The following ZNF571 variants were observed in gnomAD, a reference collection of about 807,000 sequenced individuals.
ZNF571 encodes zinc finger protein 571.
Under a neutral mutation model 7.7 loss-of-function variants are expected in ZNF571, and 4 were observed. That is an observed-to-expected ratio of 0.52 (90% confidence interval 0.25 to 1.18). The LOEUF is 1.18. Ranked by LOEUF, ZNF571 falls within the 50% of genes most tolerant of loss-of-function variation. The probability of loss-of-function intolerance (pLI) is 0.14; values close to 1 mark genes in which losing one functional copy is unlikely to be tolerated. For synonymous variants in ZNF571, 251 were observed against 232.4 expected (o/e 1.08, Z -0.73); for missense variants, 704 against 726.9 (o/e 0.97, Z 0.36).
rs75707352 is a variant in ZNF571, at chr19:37,582,332, T to A, written c.136+1639A>T. ...CCTCTTACTTGAACTCCTAGCATTA[T>A]CTCTCTCAGCTAACTGCTTCCTCCT... On this transcript the variant is annotated intron_variant, in intron 3 of 3. Transcript: ENST00000451802. 3.8e-3 allele frequency among the ~76,000 whole-genome samples: 582 copies of A among 152,314 alleles called. 1 individual carries two copies. The highest frequency in any genetic ancestry group is 6.5e-3 in the Non-Finnish European group (444 of 68,022).
At chr19:37,570,820 A>G in intron 3 of ZNF571, among the ~76,000 whole-genome samples, 1 of 152,170 alleles carries the variant, frequency 6.6e-6, no homozygotes, top group South Asian at 2.1e-4. Flanking sequence ...TCATAGTAAA[A>G]ACAAAGGAAA....
intron 3 of ZNF571, among the ~76,000 whole-genome samples, chr19:37,577,471 C>T (rs889416667): frequency 6.6e-6 from 1 of 152,080 alleles, no homozygotes; most frequent in Admixed American, 6.6e-5. Context: ...TCAGGTGCTA[C>T]AGAAAAAGTA....
intron 2 of ZNF571, among the ~76,000 whole-genome samples, chr19:37,584,696 C>T (rs897247211): frequency 6.6e-6 from 1 of 152,100 alleles, no homozygotes; most frequent in Admixed American, 6.5e-5. Context: ...GGCGCGGTGG[C>T]TCACGCTTGT....
At chr19:37,592,351 C>CT (rs2043893211) in intron 1 of ZNF571, among the ~76,000 whole-genome samples, 1 of 152,156 alleles carries the variant, frequency 6.6e-6, no homozygotes, top group African/African-American at 2.4e-5. Flanking sequence ...GGTCATATCC[C>CT]TAGGAACCTT....
intron 2 of ZNF571, among the ~76,000 whole-genome samples, chr19:37,584,563 T>C (rs1325576496): frequency 6.6e-6 from 1 of 152,202 alleles, no homozygotes; most frequent in South Asian, 2.1e-4. Flanking sequence ...AACCTAAGAA[T>C]TTTTTGAAGA....
At chr19:37,571,631 A>G (rs1313422581) in intron 3 of ZNF571, among the ~76,000 whole-genome samples, 1 of 152,234 alleles carries the variant, frequency 6.6e-6, no homozygotes, top group Non-Finnish European at 1.5e-5. Flanking sequence ...AGCAATACAC[A>G]TTCAGTATGC....
chr19:37,586,028 T>C (rs1216572607), intron 2 of ZNF571: 1 of 152,242 alleles, frequency 6.6e-6, no homozygotes, highest in African/African-American at 2.4e-5. Context: ...AGAAGGAACA[T>C]GGCTCTGCTA....
rs779158029 is a variant in ZNF571 at position 37,564,760 on chromosome 19, T to C, written c.1668A>G (p.Lys556=). 6 of 1,613,574 alleles carry C rather than the reference T, an allele frequency of 3.7e-6. No individual in the cohort carries two copies. The highest frequency in any genetic ancestry group is 5.1e-6 in the Non-Finnish European group (6 of 1,179,750). The change falls in exon 4 of 4, where the codon AAA becomes AAG. Residue 556 remains lysine (K), a synonymous_variant. Coordinates refer to ENST00000451802, the MANE Select transcript of ZNF571 (RefSeq NM_016536.5). The stretch of plus-strand genomic sequence containing the variant: ...TCCCACATTCCTTACATTCATAGGG[T>C]TTCTCTCCAGTATGAGTTCTCAGAT... The part of the protein sequence containing the change: ...TEHLRTHTGE[K]PYECKECGRA...
intron 3 of ZNF571, among the ~76,000 whole-genome samples, chr19:37,577,225 T>C (rs972854337): frequency 1.3e-5 from 2 of 152,112 alleles, no homozygotes; most frequent in African/African-American, 4.8e-5. Context: ...AATATTTCAA[T>C]ATATCCAAAT....
rs202081146 is a variant in ZNF571, at chr19:37,584,007, C to T, written c.100G>A (p.Val34Met). The T allele has an allele frequency of 2.9e-5, 47 of 1,613,444 alleles. No individual in the cohort carries two copies. In the Admixed American group the frequency reaches 3.0e-4, roughly 10 times the overall value. ...AGGTTGCTGTAGTTCTCCAACATCA[C>T]ATCCCTGTACAAGTCCCTCTGAGCA... ...DPAQRDLYRD[V>M]MLENYSNLIS... The change falls in exon 3 of 4, where the codon GTG (valine) becomes ATG (methionine). Residue 34 changes from valine (V) to methionine (M), a missense_variant. Physicochemically the swap from Val to Met is conservative, Grantham distance 21 (BLOSUM62 1). Coordinates refer to ENST00000451802, the MANE Select transcript of ZNF571 (RefSeq NM_016536.5).
At chr19:37,577,443 T>C (rs1401519483) in intron 3 of ZNF571, among the ~76,000 whole-genome samples, 1 of 152,104 alleles carries the variant, frequency 6.6e-6, no homozygotes, top group African/African-American at 2.4e-5. Flanking sequence ...ACATAAAGTA[T>C]AGGAGAAGGG....
At chr19:37,578,962 G>A (rs775970189) in intron 3 of ZNF571, among the ~76,000 whole-genome samples, 1 of 152,036 alleles carries the variant, frequency 6.6e-6, no homozygotes, top group Non-Finnish European at 1.5e-5. Context: ...AAGGGCAAGC[G>A]CGCCACGTGC....
In ZNF571 at chr19:37,564,935, C is replaced by G; in HGVS notation, c.1493G>C (p.Gly498Ala). The change falls in exon 4 of 4, where the codon GGT becomes GCT. Residue 498 changes from glycine to alanine, a missense_variant. By Grantham distance (60) the Gly-to-Ala change is moderately conservative (BLOSUM62 0). Transcript: ENST00000451802. Reference sequence around the variant, plus strand: ...TTCCTTACATTTGTAGGGCTTTTCACCTGTATGAATTCTTTGATGATATGT... The same window carrying G: ...TTCCTTACATTTGTAGGGCTTTTCAGCTGTATGAATTCTTTGATGATATGT... ...QLTYHQRIHT[G>A]EKPYKCKECD... The G allele has an allele frequency of 6.2e-7, 1 of 1,613,950 alleles. No homozygotes were observed. Among genetic ancestry groups the G allele is most frequent in the South Asian group, 1.1e-5 (1 of 91,068 alleles).
chr19:37,565,001 C>T lies in ZNF571; in HGVS notation c.1427G>A (p.Cys476Tyr), dbSNP rs566938733. 14 of 1,613,922 alleles carry T rather than the reference C, an allele frequency of 8.7e-6. No homozygotes were observed. In the African/African-American group the frequency reaches 1.7e-4, roughly 20 times the overall value. The change falls in exon 4 of 4, where the codon TGT becomes TAT. Residue 476 changes from cysteine (C) to tyrosine (Y), a missense_variant. Physicochemically the swap from Cys to Tyr is radical, Grantham distance 194. Coordinates refer to ENST00000451802, the MANE Select transcript of ZNF571 (RefSeq NM_016536.5). ...EKIHGEKHYE[C>Y]KECGKTFVRA... Reference sequence around the variant, plus strand: ...TACAAAGGTCTTCCCACATTCCTTACATTCATAATGTTTCTCACCATGAAT... The same window carrying T: ...TACAAAGGTCTTCCCACATTCCTTATATTCATAATGTTTCTCACCATGAAT...
At chr19:37,592,687 C>T (rs1022824724) in intron 1 of ZNF571, among the ~76,000 whole-genome samples, 3 of 152,182 alleles carry the variant, frequency 2.0e-5, no homozygotes, top group Non-Finnish European at 2.9e-5. Flanking sequence ...TACACAGCAC[C>T]AACTATGAAT....
At chr19:37,591,678 G>A (rs1204538670) in intron 1 of ZNF571, among the ~76,000 whole-genome samples, 1 of 152,010 alleles carries the variant, frequency 6.6e-6, no homozygotes. Context: ...CCGAGTAGCT[G>A]GGATTACAGG....
At chr19:37,582,676 C>T (rs977498094) in intron 3 of ZNF571, among the ~76,000 whole-genome samples, 1 of 152,184 alleles carries the variant, frequency 6.6e-6, no homozygotes, top group Non-Finnish European at 1.5e-5. Context: ...TCTTGACTTC[C>T]TTCTCCAGCC....
chr19:37,594,712 A>G (rs2043967398), intron 1 of ZNF571, 29 bp downstream of exon 1: 2 of 152,338 alleles, frequency 1.3e-5, no homozygotes, highest in Admixed American at 1.3e-4. Flanking sequence ...AAAAGCTGCG[A>G]GCGGTTCCCG....
intron 1 of ZNF571, among the ~76,000 whole-genome samples, chr19:37,591,648 G>C (rs1457603757): frequency 6.6e-6 from 1 of 152,156 alleles, no homozygotes; most frequent in Non-Finnish European, 1.5e-5. Flanking sequence ...GGGTTCAAAT[G>C]ATTCTCCTGC....
Sources: gnomAD v4.1 joint callset for allele counts (sites outside exome capture counted in the v4.1 genomes callset) on GRCh38, gnomAD v4.1.1 for gene constraint, MANE v1.5 for transcripts, NCBI Gene and HGNC (gene_info 2026-07-23, HGNC 2026-07-21) for gene names.